The following COL27A1 variants were observed in gnomAD, a reference collection of about 807,000 sequenced individuals.
COL27A1 encodes the protein collagen type XXVII alpha 1 chain, also known as collagen alpha-1(XXVII) chain.
In COL27A1, 106 loss-of-function variants were observed where a neutral mutation model predicts 251.3. The observed-to-expected ratio is 0.42, with a 90% CI of 0.36 to 0.50. COL27A1 has a LOEUF of 0.50. COL27A1 is among the 20% of genes least tolerant of loss of function. The pLI is 0.00. For synonymous variants in COL27A1, 1,000 were observed against 986.3 expected (o/e 1.01, Z -0.26); for missense variants, 2,325 against 2,522.8 (o/e 0.92, Z 1.68).
At chr9:114,235,805 C>T (rs1451745436) in intron 17 of COL27A1, among the ~76,000 whole-genome samples, 153 bp downstream of exon 17, 1 of 152,116 alleles carries the variant, frequency 6.6e-6, no homozygotes, top group Non-Finnish European at 1.5e-5. Context: ...CCTTGATCCT[C>T]TTGTCATCTC....
intron 41 of COL27A1, among the ~76,000 whole-genome samples, chr9:114,285,132 C>T (rs1271901729): frequency 6.6e-6 from 1 of 152,188 alleles, no homozygotes; most frequent in African/African-American, 2.4e-5. Context: ...GAAGTCTTGC[C>T]CATGAATAAG....
intron 4 of COL27A1, among the ~76,000 whole-genome samples, chr9:114,178,876 G>T (rs774093993): frequency 1.3e-5 from 2 of 152,110 alleles, no homozygotes; most frequent in Non-Finnish European, 2.9e-5. Flanking sequence ...TATGTGATGT[G>T]CCTGGCACCT....
chr9:114,270,614 T>C (rs1007878575), intron 35 of COL27A1, 114 bp from the exon 36 acceptor site: 28 of 760,086 alleles, frequency 3.7e-5, no homozygotes, highest in African/African-American at 7.2e-5. Flanking sequence ...AGGGTCCCAC[T>C]GCCTGGAGAT....
intron 36 of COL27A1, chr9:114,272,003 T>C: frequency 6.6e-6 from 1 of 152,288 alleles, no homozygotes; most frequent in Non-Finnish European, 1.5e-5. Flanking sequence ...CATCCAAGCG[T>C]ACAGCCGAGT....
chr9:114,203,963 C>A (rs958546031), intron 7 of COL27A1, among the ~76,000 whole-genome samples: 1 of 152,178 alleles, frequency 6.6e-6, no homozygotes, highest in Admixed American at 6.5e-5. Flanking sequence ...GAGCCCAGCT[C>A]ATCTGACTGT....
At chr9:114,294,247 CAAAAAAAAAAA>C (rs58536000) in intron 49 of COL27A1, among the ~76,000 whole-genome samples, 2 of 84,288 alleles carry the variant, frequency 2.4e-5, no homozygotes, top group South Asian at 4.1e-4. Flanking sequence ...GACTCTGTCT[CAAAAAAAAAAA>C]AAAAAAAAAA....
rs750119158 is a variant in COL27A1 at position 114,168,876 on chromosome 9, C to T, written c.1321C>T (p.Arg441Trp). The change falls in exon 3 of 61, where the codon CGG (arginine) becomes TGG (tryptophan). Residue 441 changes from arginine (R) to tryptophan (W), a missense_variant. Transcript: ENST00000356083. ...GMPRPPPPSTRPLPPTTSSSK... is the reference protein window; with the variant it reads ...GMPRPPPPSTWPLPPTTSSSK... ...GCCCAGGCCCCCACCGCCCAGCACC[C>T]GGCCCCTACCTCCTACCACCAGCTC... 2.0e-5 allele frequency: 33 copies of T among 1,614,116 alleles called. No homozygotes were observed. The South Asian group carries it at 2.9e-4, about 14-fold the overall frequency.
rs763485848 is a variant in COL27A1 at position 114,168,244 on chromosome 9, C to T, written c.689C>T (p.Thr230Ile). The T allele has an allele frequency of 2.5e-6, 4 of 1,614,010 alleles. No individual in the cohort carries two copies. Among genetic ancestry groups the T allele is most frequent in the Non-Finnish European group, 3.4e-6 (4 of 1,180,020 alleles). ...PVTQVAHNYC[T>I]HLRKQCGQAD... Reference sequence around the variant, plus strand: ...ACGCAGGTCGCTCACAATTACTGTACCCACCTGAGGAAGCAGTGTGGACAG... The same window carrying T: ...ACGCAGGTCGCTCACAATTACTGTATCCACCTGAGGAAGCAGTGTGGACAG... Residue 230 changes from threonine (T) to isoleucine (I), a missense_variant, in exon 3 of 61, where the codon ACC becomes ATC. By Grantham distance (89) the Thr-to-Ile change is moderately conservative. Transcript: ENST00000356083.
intron 2 of COL27A1, among the ~76,000 whole-genome samples, chr9:114,166,581 G>A (rs1315688515): frequency 6.6e-6 from 1 of 152,194 alleles, no homozygotes; most frequent in Non-Finnish European, 1.5e-5. Context: ...CAGTACTCAG[G>A]GCCTATCTTG....
chr9:114,241,958 C>G lies in COL27A1; in HGVS notation c.2836-229C>G, dbSNP rs370382826. Among the ~76,000 whole-genome samples, 4 of 152,198 alleles carry G rather than the reference C, an allele frequency of 2.6e-5. No individual in the cohort carries two copies. In the East Asian group the frequency reaches 5.8e-4, roughly 22 times the overall value. ...TCTCATGCCCAGGGCTTCCATGAAGCCTGGAGTCTCCATTCACTGGAAGTC... is the reference window on the plus strand; with the variant it reads ...TCTCATGCCCAGGGCTTCCATGAAGGCTGGAGTCTCCATTCACTGGAAGTC... On this transcript the variant is annotated intron_variant, in intron 21 of 60. Transcript: ENST00000356083.
chr9:114,229,373 A>G (rs1245913187), intron 14 of COL27A1, among the ~76,000 whole-genome samples: 1 of 152,188 alleles, frequency 6.6e-6, no homozygotes, highest in East Asian at 1.9e-4. Context: ...CCTCGGGGGC[A>G]TTCCATCACA....
intron 1 of COL27A1, among the ~76,000 whole-genome samples, chr9:114,157,155 G>A (rs1848181799): frequency 6.6e-6 from 1 of 150,604 alleles, no homozygotes; most frequent in Non-Finnish European, 1.5e-5. Context: ...TTCTCCAGAA[G>A]ACCCTGCGCC....
intron 41 of COL27A1, among the ~76,000 whole-genome samples, chr9:114,288,199 C>A (rs1310262979): frequency 6.6e-6 from 1 of 152,184 alleles, no homozygotes; most frequent in Non-Finnish European, 1.5e-5. Flanking sequence ...GCTGTCTGAG[C>A]TCCCTGACTT....
chr9:114,217,868 C>T (rs1830806879), intron 12 of COL27A1: 2 of 467,560 alleles, frequency 4.3e-6, no homozygotes, highest in African/African-American at 4.0e-5. Flanking sequence ...AATCCCAACA[C>T]TTTGGGAGGC....
At chr9:114,289,976 CCT>C (rs1379881295) in intron 45 of COL27A1, 80 bp from the exon 46 acceptor site, 2 of 1,462,378 alleles carry the variant, frequency 1.4e-6, no homozygotes, top group Admixed American at 3.4e-5. Flanking sequence ...GGCCCACAAT[CCT>C]CTCAGTCCCT....
intron 28 of COL27A1, among the ~76,000 whole-genome samples, chr9:114,262,762 G>A (rs1443538204): frequency 6.6e-6 from 1 of 152,228 alleles, no homozygotes; most frequent in African/African-American, 2.4e-5. Context: ...GCTGAGGACA[G>A]CGTCTCCCAG....
intron 25 of COL27A1, among the ~76,000 whole-genome samples, chr9:114,250,905 C>G (rs760393333): frequency 6.6e-6 from 1 of 152,156 alleles, no homozygotes; most frequent in East Asian, 1.9e-4. Flanking sequence ...TGACAACCAG[C>G]AGATGCATGT....
At chr9:114,163,594 C>G (rs1388319131) in intron 2 of COL27A1, among the ~76,000 whole-genome samples, 1 of 152,194 alleles carries the variant, frequency 6.6e-6, no homozygotes, top group Non-Finnish European at 1.5e-5. Flanking sequence ...TGTCAAGCAG[C>G]CGCATGCCTC....
rs565315568 is a variant in COL27A1, at chr9:114,307,751, G to T, written c.5190G>T (p.Thr1730=). 8.1e-6 allele frequency: 13 copies of T among 1,613,988 alleles called. No homozygotes were observed. Among genetic ancestry groups the T allele is most frequent in the African/African-American group, 1.3e-5 (1 of 75,038 alleles). The part of the protein sequence containing the change: ...VSCNFTHGGQ[T]CLKPITASKV... The stretch of plus-strand genomic sequence containing the variant: ...GCAACTTCACTCATGGTGGACAGAC[G>T]TGTCTCAAGCCCATCACGGCCTCCA... The change falls in exon 59 of 61, where the codon ACG becomes ACT. Residue 1730 remains threonine (T), a synonymous_variant. Transcript: ENST00000356083.
Sources: allele counts gnomAD v4.1 joint callset (sites outside exome capture counted in the v4.1 genomes callset), GRCh38; gene constraint gnomAD v4.1.1; transcripts MANE v1.5; gene names NCBI Gene and HGNC (gene_info 2026-07-23, HGNC 2026-07-21).